Variants in KCNMA1 observed in about 807,000 individuals in gnomAD.
KCNMA1 encodes Calcium-activated potassium channel subunit alpha-1.
Under a neutral mutation model 140.0 loss-of-function variants are expected in KCNMA1, and 29 were observed. The ratio of observed to expected loss-of-function variants is 0.21; its 90% CI spans 0.15 to 0.28. The LOEUF (loss-of-function observed/expected upper bound fraction) is 0.28. Among genes scored for constraint, KCNMA1 ranks in the 10% least tolerant of loss-of-function variants. KCNMA1 has a pLI of 1.00. For synonymous variants in KCNMA1, 612 were observed against 611.9 expected, an observed-to-expected ratio of 1.00 and a Z score of 0.00; for missense variants, 880 against 1,602.2, an observed-to-expected ratio of 0.55 and a Z score of 7.70.
chr10:77,359,956 T>C lies in KCNMA1; in HGVS notation c.540+43906A>G, dbSNP rs58775023. On this transcript the variant is annotated intron_variant, in intron 2 of 27. Transcript: ENST00000286628. ...AGAAAATGGGGGTGAGAGGCAAAGA[T>C]GTATAAAAAAAGAACTAAGCAGAGC... Among the ~76,000 whole-genome samples the C allele has an allele frequency of 5.3e-3, 805 of 152,098 alleles. 28 individuals carry two copies. In the East Asian group the frequency reaches 0.1, roughly 20 times the overall value.
intron 5 of KCNMA1, among the ~76,000 whole-genome samples, chr10:77,180,499 G>GT (rs897016920): frequency 4.6e-5 from 7 of 152,100 alleles, no homozygotes; most frequent in South Asian, 2.1e-4. Context: ...GAGGAAAGAG[G>GT]TTTTTTTATT....
chr10:77,596,728 A>C (rs925002291), intron 1 of KCNMA1, among the ~76,000 whole-genome samples: 2 of 152,214 alleles, frequency 1.3e-5, no homozygotes, highest in South Asian at 4.1e-4. Flanking sequence ...AATTAGCCAT[A>C]ATGCAAATAA....
Position 76,886,435 on chromosome 10 carries a change from G to GA in KCNMA1, c.*830dup, listed in dbSNP as rs935481468. The GA allele has an allele frequency of 2.0e-5, 20 of 984,318 alleles. No individual in the cohort carries two copies. The highest frequency in any genetic ancestry group is 1.1e-4 in the East Asian group (1 of 8,802). 61.0% of individuals were successfully genotyped at this position (984,318 alleles called of 1,614,324 possible). A position where few individuals can be genotyped will look rare whatever the true frequency, so the allele number is the denominator to read the frequency against. On this transcript the variant is annotated 3_prime_UTR_variant, in exon 28 of 28. Coordinates refer to ENST00000286628, the MANE Select transcript of KCNMA1 (RefSeq NM_001161352.2). ...TTCATCCCAAATGTCAAAAGTGAAA[G>GA]AAAAAAAATAGCTATTCATATGGCA...
chr10:77,440,006 C>T (rs1400042799), intron 1 of KCNMA1, among the ~76,000 whole-genome samples: 1 of 152,212 alleles, frequency 6.6e-6, no homozygotes, highest in East Asian at 1.9e-4. Context: ...CTATGAAAGG[C>T]CTTGGGGCCA....
chr10:77,235,879 T>C (rs1429737501), intron 3 of KCNMA1, among the ~76,000 whole-genome samples: 1 of 152,208 alleles, frequency 6.6e-6, no homozygotes, highest in Non-Finnish European at 1.5e-5. Flanking sequence ...TGTCCTGAGC[T>C]TCTGGGAGGC....
chr10:77,145,233 T>C (rs1027174073), intron 5 of KCNMA1, among the ~76,000 whole-genome samples: 1 of 152,336 alleles, frequency 6.6e-6, no homozygotes, highest in African/African-American at 2.4e-5. Flanking sequence ...ACGAGCCACA[T>C]GCTCTTGGAA....
At chr10:77,391,749 T>G (rs1386104242) in intron 2 of KCNMA1, among the ~76,000 whole-genome samples, 1 of 151,950 alleles carries the variant, frequency 6.6e-6, no homozygotes, top group African/African-American at 2.4e-5. Flanking sequence ...TCAGTCTGCC[T>G]CCTCCTAAAC....
chr10:77,194,598 A>G (rs1189725187), intron 3 of KCNMA1, among the ~76,000 whole-genome samples: 2 of 152,110 alleles, frequency 1.3e-5, no homozygotes, highest in African/African-American at 4.8e-5. Flanking sequence ...TGAGTTCCGG[A>G]CTGACAGTTG....
chr10:77,594,231 T>C (rs1011848690), intron 1 of KCNMA1, among the ~76,000 whole-genome samples: 3 of 152,130 alleles, frequency 2.0e-5, no homozygotes, highest in Non-Finnish European at 4.4e-5. Context: ...TTCCTACCAG[T>C]AGCAATACTG....
chr10:76,914,771 G>A, intron 24 of KCNMA1, 165 bp downstream of exon 24: 1 of 616,468 alleles, frequency 1.6e-6, no homozygotes, highest in African/African-American at 1.8e-5. Context: ...TTCCCTTCCG[G>A]TAATCTGCCA....
chr10:77,367,971 T>C (rs984637651), intron 2 of KCNMA1, among the ~76,000 whole-genome samples: 6 of 152,220 alleles, frequency 3.9e-5, no homozygotes, highest in African/African-American at 1.4e-4. Context: ...TTCCTAGTTT[T>C]GGGTAATTAT....
intron 2 of KCNMA1, among the ~76,000 whole-genome samples, chr10:77,343,921 T>C (rs764443086): frequency 1.1e-4 from 17 of 152,176 alleles, no homozygotes; most frequent in Non-Finnish European, 2.4e-4. Context: ...TAGAGACCTA[T>C]GAAGACAAAG....
chr10:77,049,276 T>C (rs1253758457), intron 14 of KCNMA1, among the ~76,000 whole-genome samples: 1 of 152,224 alleles, frequency 6.6e-6, no homozygotes, highest in African/African-American at 2.4e-5. Flanking sequence ...ACCTCCTCTC[T>C]GAGGCCTTTC....
intron 16 of KCNMA1, among the ~76,000 whole-genome samples, chr10:77,023,567 T>C (rs148183786): frequency 6.6e-6 from 1 of 152,330 alleles, no homozygotes; most frequent in Admixed American, 6.5e-5. Context: ...AGATGAATCA[T>C]GCCATTGAGA....
intron 10 of KCNMA1, among the ~76,000 whole-genome samples, chr10:77,089,547 C>G (rs574024965): frequency 6.6e-6 from 1 of 152,234 alleles, no homozygotes; most frequent in South Asian, 2.1e-4. Context: ...AGGGAGATAC[C>G]TTGCTTTCCT....
At chr10:77,185,499 A>G (rs954375787) in intron 3 of KCNMA1, among the ~76,000 whole-genome samples, 1 of 152,106 alleles carries the variant, frequency 6.6e-6, no homozygotes, top group Non-Finnish European at 1.5e-5. Flanking sequence ...TTAAGCACAG[A>G]CTTTCTGTGC....
chr10:77,029,198 G>A (rs771750120), intron 15 of KCNMA1, among the ~76,000 whole-genome samples: 38 of 152,180 alleles, frequency 2.5e-4, no homozygotes, highest in Non-Finnish European at 5.0e-4. Flanking sequence ...CATACATGAT[G>A]TATGACAAGT....
rs116727078 is a variant in KCNMA1, at chr10:77,028,526, C to T, written c.1860-635G>A. On this transcript the variant is annotated intron_variant, in intron 15 of 27. Coordinates refer to ENST00000286628, the MANE Select transcript of KCNMA1 (RefSeq NM_001161352.2). ...GTGCGTTCCCCACTCTCGATCCCTTCTTCTCTCTTCCCAACCCATCCTCAC... is the reference window on the plus strand; with the variant it reads ...GTGCGTTCCCCACTCTCGATCCCTTTTTCTCTCTTCCCAACCCATCCTCAC... Among the ~76,000 whole-genome samples, 1,487 of 152,180 alleles carry T rather than the reference C, an allele frequency of 9.8e-3. 19 individuals are homozygous for T. The highest frequency in any genetic ancestry group is 0.032 in the African/African-American group (1,308 of 41,522).
intron 1 of KCNMA1, among the ~76,000 whole-genome samples, chr10:77,582,428 G>C (rs995296310): frequency 6.6e-6 from 1 of 152,168 alleles, no homozygotes; most frequent in Non-Finnish European, 1.5e-5. Flanking sequence ...TCTGCTTAGG[G>C]ACCTGAAGAA....
Sources: allele counts gnomAD v4.1 joint callset (sites outside exome capture counted in the v4.1 genomes callset), GRCh38; gene constraint gnomAD v4.1.1; transcripts MANE v1.5; gene names NCBI Gene and HGNC (gene_info 2026-07-23, HGNC 2026-07-21).